SCN3A: variants seen among roughly 807,000 people sequenced by gnomAD.
The protein encoded by SCN3A is sodium voltage-gated channel alpha subunit 3, also known as sodium channel protein type 3 subunit alpha.
In SCN3A, 60 loss-of-function variants were observed where a neutral mutation model predicts 187.6. That is an observed-to-expected ratio of 0.32 (90% CI 0.26 to 0.40). The LOEUF (loss-of-function observed/expected upper bound fraction) is 0.40, where lower values mean the gene tolerates loss of function less well. Among genes scored for constraint, SCN3A ranks in the 10% least tolerant of loss-of-function variants. The pLI is 1.00. For missense variants in SCN3A, 1,601 were observed against 2,428.2 expected (o/e 0.66, Z 7.16); for synonymous variants, 788 against 829.2 (o/e 0.95, Z 0.85).
At chr2:165,155,645 C>T (rs558486901) in intron 10 of SCN3A, 117 bp downstream of exon 10, 77 of 1,130,400 alleles carry the variant, frequency 6.8e-5, no homozygotes, top group South Asian at 4.4e-4. Context: ...GTGATCCATC[C>T]GCCTCTGCCT....
At chr2:165,114,077 G>A (rs1574131790) in intron 19 of SCN3A, 107 bp from the exon 20 acceptor site, 1 of 647,672 alleles carries the variant, frequency 1.5e-6, no homozygotes, top group Admixed American at 2.8e-5. Context: ...CATTTCATAG[G>A]GTAACCATCT....
intron 18 of SCN3A, among the ~76,000 whole-genome samples, chr2:165,126,445 TTCTC>T (rs760623911): frequency 6.6e-6 from 1 of 151,402 alleles, no homozygotes; most frequent in East Asian, 1.9e-4. Context: ...CTTCCTTTCT[TTCTC>T]TTTTTCTTTT....
At chr2:165,096,372 T>A in intron 24 of SCN3A, 95 bp downstream of exon 24, 1 of 917,212 alleles carries the variant, frequency 1.1e-6, no homozygotes, top group Non-Finnish European at 1.8e-6. Context: ...TTAAATGTTC[T>A]AATATAGAAT....
At chr2:165,196,172 C>T (rs1297550249) in intron 1 of SCN3A, among the ~76,000 whole-genome samples, 2 of 151,602 alleles carry the variant, frequency 1.3e-5, no homozygotes, top group Admixed American at 6.6e-5. Flanking sequence ...TTCCCAAATC[C>T]TTTGTGTATA....
At chr2:165,199,720 A>G (rs556626591) in intron 1 of SCN3A, among the ~76,000 whole-genome samples, 1 of 152,176 alleles carries the variant, frequency 6.6e-6, no homozygotes, top group East Asian at 1.9e-4. Flanking sequence ...TTAGGTATCC[A>G]AAGAGCTGGT....
chr2:165,200,382 C>T (rs527437170), intron 1 of SCN3A, among the ~76,000 whole-genome samples: 89 of 152,048 alleles, frequency 5.9e-4, no homozygotes, highest in African/African-American at 2.1e-3. Flanking sequence ...AAAAAGTAAT[C>T]TTCACAGCTA....
chr2:165,132,615 T>C (rs1432274036), intron 15 of SCN3A, among the ~76,000 whole-genome samples: 2 of 152,178 alleles, frequency 1.3e-5, no homozygotes, highest in African/African-American at 2.4e-5. Flanking sequence ...CCTTACACCT[T>C]ATACAAAAAT....
At chr2:165,132,324 T>G (rs540003467) in intron 15 of SCN3A, among the ~76,000 whole-genome samples, 11 of 152,210 alleles carry the variant, frequency 7.2e-5, no homozygotes, top group Non-Finnish European at 1.5e-4. Flanking sequence ...CATCGCCCAG[T>G]CAATCCTAAG....
intron 21 of SCN3A, among the ~76,000 whole-genome samples, chr2:165,101,391 A>G (rs1685595789): frequency 6.6e-6 from 1 of 152,240 alleles, no homozygotes; most frequent in Non-Finnish European, 1.5e-5. Context: ...ATCCAAAGAT[A>G]TAGCTACCAT....
In SCN3A at chr2:165,139,622, A is replaced by G; in HGVS notation, c.2020-14T>C. 6.2e-7 allele frequency: 1 copy of G among 1,613,672 alleles called. No homozygotes were observed. ...TGTGGTGGTGCCCTGCAAACCAAAT[A>G]CTGATGGCTCAAACCACTCTTCCCA... On this transcript the variant is annotated splice_polypyrimidine_tract_variant and intron_variant, in intron 13 of 27. Coordinates refer to ENST00000283254, the MANE Select transcript of SCN3A (RefSeq NM_006922.4).
At chr2:165,148,734 CAG>C (rs1406917827) in intron 11 of SCN3A, among the ~76,000 whole-genome samples, 1 of 151,788 alleles carries the variant, frequency 6.6e-6, no homozygotes, top group African/African-American at 2.4e-5. Flanking sequence ...TTAAATAAAA[CAG>C]TAATTCAGAA....
intron 6 of SCN3A, 112 bp downstream of exon 6, chr2:165,164,280 A>C: frequency 3.0e-6 from 4 of 1,332,960 alleles, no homozygotes; most frequent in Non-Finnish European, 4.3e-6. Flanking sequence ...CAATCCATAT[A>C]GTTAACTTGA....
Position 165,127,886 on chromosome 2 carries a change from G to C in SCN3A, c.3138C>G (p.Asp1046Glu), listed in dbSNP as rs749287438. 1.2e-6 allele frequency: 2 copies of C among 1,614,066 alleles called. No individual in the cohort carries two copies. Among genetic ancestry groups the C allele is most frequent in the Admixed American group, 1.7e-5 (1 of 60,016 alleles). Residue 1046 changes from aspartate (D) to glutamate (E), a missense_variant, in exon 18 of 28, where the codon GAC becomes GAG. Transcript: ENST00000283254. ...VIEIHEGNKI[D>E]SCMSNNTGIE... ...TTCCAGTATTATTGGACATGCAGCT[G>C]TCTATCTTATTGCCTTCATGGATTT...
chr2:165,112,454 G>A (rs1686168137), intron 21 of SCN3A, among the ~76,000 whole-genome samples: 1 of 152,172 alleles, frequency 6.6e-6, no homozygotes, highest in Non-Finnish European at 1.5e-5. Context: ...TTAGTCACAC[G>A]TACTCTAGGA....
At chr2:165,203,668 G>C (rs1164779889) in intron 1 of SCN3A, among the ~76,000 whole-genome samples, 155 bp downstream of exon 1, 6 of 151,948 alleles carry the variant, frequency 3.9e-5, no homozygotes, top group Non-Finnish European at 1.5e-5. Context: ...GAAATAGTAA[G>C]CAGTTTACAC....
rs368964004 is a variant in SCN3A at position 165,132,733 on chromosome 2, C to T, written c.2392-1316G>A. On this transcript the variant is annotated intron_variant, in intron 15 of 27. Transcript: ENST00000283254. ...GACATAGGCATGGGCAAGGACTTCA[C>T]GTCTAAAACACCAAAAGCAATGGCG... is the stretch of plus-strand genomic sequence containing the variant. Among the ~76,000 whole-genome samples, 70 of 152,156 alleles carry T rather than the reference C, an allele frequency of 4.6e-4. 1 individual carries two copies. In the East Asian group the frequency reaches 0.012, roughly 25 times the overall value.
At chr2:165,093,322 G>A (rs1685204351) in intron 26 of SCN3A, 1 of 152,206 alleles carries the variant, frequency 6.6e-6, no homozygotes, top group East Asian at 1.9e-4. Context: ...CTCTAGCTCT[G>A]TGAATCTATG....
chr2:165,121,542 T>A (rs1003895945), intron 18 of SCN3A, among the ~76,000 whole-genome samples: 2 of 152,236 alleles, frequency 1.3e-5, no homozygotes, highest in African/African-American at 4.8e-5. Context: ...ATGGACTGTA[T>A]CTTTGTTACT....
At chr2:165,132,998 A>T (rs1308121866) in intron 15 of SCN3A, among the ~76,000 whole-genome samples, 68 of 152,340 alleles carry the variant, frequency 4.5e-4, no homozygotes, top group African/African-American at 1.6e-3. Flanking sequence ...TCTCAAAAGA[A>T]GACATTTATG....
Sources: gnomAD v4.1 joint callset for allele counts (sites outside exome capture counted in the v4.1 genomes callset) on GRCh38, gnomAD v4.1.1 for gene constraint, MANE v1.5 for transcripts, NCBI Gene and HGNC (gene_info 2026-07-23, HGNC 2026-07-21) for gene names.